The following FYN variants were observed in gnomAD, a reference collection of about 807,000 sequenced individuals.
FYN encodes FYN proto-oncogene, Src family tyrosine kinase, also known as tyrosine-protein kinase Fyn.
A neutral mutation model predicts 70.2 loss-of-function variants in FYN; 10 were observed. The observed-to-expected ratio is 0.14, with a 90% confidence interval of 0.09 to 0.24. The LOEUF is 0.24. Among genes scored for constraint, FYN ranks in the 10% least tolerant of loss-of-function variants. FYN has a pLI of 1.00. For synonymous variants in FYN, 236 were observed against 248.6 expected (o/e 0.95, Z 0.48); for missense variants, 319 against 673.1 (o/e 0.47, Z 5.82).
chr6:111,682,137 T>C (rs1798806247), intron 12 of FYN, among the ~76,000 whole-genome samples: 1 of 152,250 alleles, frequency 6.6e-6, no homozygotes, highest in Admixed American at 6.5e-5. Context: ...GGCAGTAAGT[T>C]ATCTGACACC....
chr6:111,678,412 G>A (rs1269430325), intron 12 of FYN, among the ~76,000 whole-genome samples: 5 of 151,974 alleles, frequency 3.3e-5, no homozygotes, highest in South Asian at 2.1e-4. Flanking sequence ...TAAATGTGTC[G>A]ATGTTTTAAA....
chr6:111,756,204 T>C (rs9387033), intron 3 of FYN, among the ~76,000 whole-genome samples: 15,221 of 152,072 alleles, frequency 0.1, 1,535 homozygotes, highest in African/African-American at 0.25. Flanking sequence ...CACACTACTA[T>C]GAAGAAATAT....
chr6:111,716,246 T>C (rs1800636940), intron 4 of FYN, among the ~76,000 whole-genome samples: 1 of 152,212 alleles, frequency 6.6e-6, no homozygotes, highest in African/African-American at 2.4e-5. Context: ...CAGTTATTTC[T>C]TTTGAGTATT....
intron 1 of FYN, among the ~76,000 whole-genome samples, chr6:111,866,080 A>G (rs1351653053): frequency 6.6e-6 from 1 of 152,236 alleles, no homozygotes; most frequent in African/African-American, 2.4e-5. Context: ...CATGTATGTC[A>G]TATGTGTATA....
intron 3 of FYN, among the ~76,000 whole-genome samples, chr6:111,742,998 G>A (rs1043075284): frequency 6.1e-5 from 9 of 147,466 alleles, no homozygotes; most frequent in East Asian, 6.0e-4. Flanking sequence ...AGGGAGTCTC[G>A]TTCTGTTGCC....
intron 9 of FYN, chr6:111,699,690 TAAAG>T: frequency 6.2e-7 from 1 of 1,606,570 alleles, no homozygotes; most frequent in Non-Finnish European, 8.5e-7. Flanking sequence ...AGGGAATTAA[TAAAG>T]AAAACACAGT....
At chr6:111,672,727 G>A (rs958609716) in intron 13 of FYN, among the ~76,000 whole-genome samples, 16 of 152,220 alleles carry the variant, frequency 1.1e-4, no homozygotes, top group African/African-American at 3.9e-4. Flanking sequence ...ATCAAGGCTT[G>A]TTTAGAGTAT....
At chr6:111,701,826 G>A (rs1444857725) in intron 8 of FYN, among the ~76,000 whole-genome samples, 5 of 152,126 alleles carry the variant, frequency 3.3e-5, no homozygotes, top group Non-Finnish European at 7.3e-5. Context: ...CACATAAACC[G>A]AGTTAGCCAA....
At chr6:111,723,002 C>T (rs1173215144) in intron 3 of FYN, among the ~76,000 whole-genome samples, 1 of 152,212 alleles carries the variant, frequency 6.6e-6, no homozygotes, top group East Asian at 1.9e-4. Flanking sequence ...ACATGAAGTG[C>T]TCTGATTTTC....
intron 1 of FYN, among the ~76,000 whole-genome samples, chr6:111,867,819 T>C (rs1423887639): frequency 6.6e-6 from 1 of 152,202 alleles, no homozygotes; most frequent in East Asian, 1.9e-4. Context: ...GCCAGATCTT[T>C]ATAAAAATAC....
In FYN at chr6:111,863,862, G is replaced by A. The variant is rs544616842; in HGVS notation, c.-123+9106C>T. 3.1e-4 allele frequency among the ~76,000 whole-genome samples: 47 copies of A among 152,246 alleles called. 1 individual carries two copies. Among genetic ancestry groups the A allele is most frequent in the African/African-American group, 1.1e-3 (45 of 41,538 alleles). On this transcript the variant is annotated intron_variant, in intron 1 of 13. Transcript: ENST00000354650. ...CACTCTCTGACTCTTGCTGACTGAT[G>A]GTTTCTACCACTTCTCCGCCTGCTC...
At chr6:111,818,013 G>C (rs569004081) in intron 2 of FYN, among the ~76,000 whole-genome samples, 12 of 152,330 alleles carry the variant, frequency 7.9e-5, no homozygotes, top group Admixed American at 5.2e-4. Context: ...CCAACTGTGA[G>C]AATGGCAAAG....
intron 4 of FYN, among the ~76,000 whole-genome samples, chr6:111,716,644 C>T (rs1375432132): frequency 6.8e-6 from 1 of 147,876 alleles, no homozygotes; most frequent in Non-Finnish European, 1.5e-5. Flanking sequence ...GAAACATAAC[C>T]TCTGTATATT....
In FYN at chr6:111,873,450, T is replaced by G. The variant is rs1477153871; in HGVS notation, c.-605A>C. ...TGCTCGCTGCTACTCTTGCTGATGC[T>G]CTGCCCCTCCAGCTCCGGAGGGGAG... On this transcript the variant is annotated 5_prime_UTR_variant, in exon 1 of 14. Coordinates refer to ENST00000354650, the MANE Select transcript of FYN (RefSeq NM_002037.5). The G allele has an allele frequency of 6.6e-6, 1 of 151,656 alleles. No homozygotes were observed. The highest frequency in any genetic ancestry group is 1.5e-5 in the Non-Finnish European group (1 of 67,938). 9.4% of individuals were successfully genotyped at this position (151,656 alleles called of 1,614,324 possible). A position where few individuals can be genotyped will look rare whatever the true frequency, so the allele number is the denominator to read the frequency against.
rs1281394417 is a variant in FYN at position 111,714,400 on chromosome 6, T to C, written c.291A>G (p.Thr97=). Residue 97 remains threonine (T), a synonymous_variant, in exon 5 of 14, where the codon ACA becomes ACG. Transcript: ENST00000354650. ...CTTTGTGAAAACTCAGGTCATCTTC[T>C]GTCCGTGCTTCATAGTCATAAAGGG... The part of the protein sequence containing the change: ...FVALYDYEAR[T]EDDLSFHKGE... 4 of 1,614,186 alleles carry C rather than the reference T, an allele frequency of 2.5e-6. No homozygotes were observed. The highest frequency in any genetic ancestry group is 3.4e-6 in the Non-Finnish European group (4 of 1,180,022).
chr6:111,834,185 A>G (rs1339905048), intron 2 of FYN, among the ~76,000 whole-genome samples: 1 of 152,162 alleles, frequency 6.6e-6, no homozygotes, highest in Non-Finnish European at 1.5e-5. Flanking sequence ...GATAAACATG[A>G]AATTTAGAAT....
chr6:111,741,024 A>G (rs1278064346), intron 3 of FYN: 1 of 150,840 alleles, frequency 6.6e-6, no homozygotes, highest in African/African-American at 2.4e-5. Flanking sequence ...TCAAGGAAGA[A>G]CCCTTGAGGC....
intron 2 of FYN, among the ~76,000 whole-genome samples, chr6:111,792,198 G>A (rs1054837080): frequency 7.9e-5 from 12 of 152,108 alleles, no homozygotes; most frequent in African/African-American, 2.9e-4. Context: ...ACAAATACTC[G>A]AGAGGACAAA....
chr6:111,861,765 C>T (rs1179313881), intron 1 of FYN, among the ~76,000 whole-genome samples: 1 of 152,162 alleles, frequency 6.6e-6, no homozygotes, highest in Non-Finnish European at 1.5e-5. Flanking sequence ...TTTTGAGTTT[C>T]GTTATAGAAA....
Sources: gnomAD v4.1 joint callset for allele counts (sites outside exome capture counted in the v4.1 genomes callset) on GRCh38, gnomAD v4.1.1 for gene constraint, MANE v1.5 for transcripts, NCBI Gene and HGNC (gene_info 2026-07-23, HGNC 2026-07-21) for gene names.